KDM4C: variants seen among roughly 807,000 people sequenced by gnomAD.
KDM4C encodes lysine demethylase 4C.
KDM4C carries 81 observed loss-of-function variants against 129.3 expected under a neutral mutation model. The ratio of observed to expected loss-of-function variants is 0.63; its 90% CI spans 0.52 to 0.75. The LOEUF (loss-of-function observed/expected upper bound fraction) is 0.75, where lower values mean the gene tolerates loss of function less well. KDM4C is among the 30% of genes least tolerant of loss of function. The probability of loss-of-function intolerance (pLI) is 0.00; values close to 1 mark genes in which losing one functional copy is unlikely to be tolerated. For missense variants in KDM4C, 1,457 were observed against 1,304.0 expected (o/e 1.12, Z -1.81); for synonymous variants, 573 against 456.1 (o/e 1.26, Z -3.26).
intron 15 of KDM4C, among the ~76,000 whole-genome samples, chr9:7,031,130 G>GTTTGTTTGTTTGTTTA (rs376556912): frequency 5.6e-4 from 79 of 141,252 alleles, no homozygotes; most frequent in East Asian, 2.0e-3. Flanking sequence ...TATTTTACTT[G>GTTTGTTTGTTTGTTTA]TTTATTTATT....
chr9:6,738,610 ATTTAC>A (rs1296706040), intron 1 of KDM4C, among the ~76,000 whole-genome samples: 1 of 151,712 alleles, frequency 6.6e-6, no homozygotes, highest in Non-Finnish European at 1.5e-5. Flanking sequence ...TAATTTATTC[ATTTAC>A]TTATTTCAAG....
chr9:7,159,617 C>G (rs1843560355), intron 19 of KDM4C, among the ~76,000 whole-genome samples: 1 of 152,120 alleles, frequency 6.6e-6, no homozygotes, highest in Admixed American at 6.5e-5. Flanking sequence ...ATATGAAATT[C>G]TGGCTTGAAA....
intron 18 of KDM4C, among the ~76,000 whole-genome samples, chr9:7,117,664 C>T: frequency 7.3e-6 from 1 of 137,896 alleles, no homozygotes; most frequent in Non-Finnish European, 1.6e-5. Flanking sequence ...CACACACACA[C>T]ACACTGCTGT....
chr9:7,035,352 T>G (rs1311749303), intron 15 of KDM4C, among the ~76,000 whole-genome samples: 2 of 141,974 alleles, frequency 1.4e-5, no homozygotes, highest in Non-Finnish European at 3.1e-5. Flanking sequence ...TTTTTTCTGT[T>G]GAGATGTTTG....
intron 8 of KDM4C, chr9:6,925,264 A>G (rs984874893): frequency 2.0e-6 from 2 of 985,240 alleles, no homozygotes; most frequent in African/African-American, 3.5e-5. Context: ...ACAGCATTGT[A>G]GGAGGTAGTT....
At chr9:7,092,361 C>T (rs1022944880) in intron 17 of KDM4C, among the ~76,000 whole-genome samples, 4 of 152,080 alleles carry the variant, frequency 2.6e-5, no homozygotes, top group Non-Finnish European at 5.9e-5. Context: ...TTGAGTTAGC[C>T]TGAAAATCTG....
chr9:6,975,994 C>T (rs767608567), intron 8 of KDM4C, among the ~76,000 whole-genome samples: 7 of 152,134 alleles, frequency 4.6e-5, no homozygotes, highest in South Asian at 2.1e-4. Flanking sequence ...GCCGAGATTG[C>T]GCCACTGTAC....
At chr9:7,148,965 C>T (rs1358156565) in intron 19 of KDM4C, among the ~76,000 whole-genome samples, 1 of 152,224 alleles carries the variant, frequency 6.6e-6, no homozygotes, top group East Asian at 1.9e-4. Flanking sequence ...AGCCCAGCCC[C>T]AGGCTTCAGG....
rs1047008632 is a variant in KDM4C at position 6,835,619 on chromosome 9, A to C, written c.436-13888A>C. On this transcript the variant is annotated intron_variant, in intron 4 of 21. Coordinates refer to ENST00000381309, the MANE Select transcript of KDM4C (RefSeq NM_015061.6). The stretch of plus-strand genomic sequence containing the variant: ...TTGTGTTACACCCTTTCTTGACAAA[A>C]CCTGACTTGTGCAGAAAACAAGATG... The C allele has an allele frequency of 4.8e-6, 4 of 835,190 alleles. No individual in the cohort carries two copies. The African/African-American group carries it at 6.7e-5, about 14-fold the overall frequency. 51.7% of individuals were successfully genotyped at this position (835,190 alleles called of 1,614,324 possible). A position where few individuals can be genotyped will look rare whatever the true frequency, so the allele number is the denominator to read the frequency against.
At chr9:6,941,945 C>G (rs146876325) in intron 8 of KDM4C, 1 of 152,108 alleles carries the variant, frequency 6.6e-6, no homozygotes, top group African/African-American at 2.4e-5. Context: ...ACATTAATTG[C>G]CAGTGTTTGA....
At chr9:7,089,254 T>C (rs1393156346) in intron 17 of KDM4C, among the ~76,000 whole-genome samples, 2 of 152,192 alleles carry the variant, frequency 1.3e-5, no homozygotes, top group Non-Finnish European at 2.9e-5. Flanking sequence ...TATTTTATTT[T>C]TTTTGCAGTC....
intron 8 of KDM4C, among the ~76,000 whole-genome samples, chr9:6,977,285 A>G (rs929989554): frequency 6.6e-6 from 1 of 152,228 alleles, no homozygotes; most frequent in African/African-American, 2.4e-5. Flanking sequence ...GTAATTTTCT[A>G]TGAAAGACAG....
At chr9:6,982,151 T>C (rs1189851801) in intron 9 of KDM4C, 4 of 152,142 alleles carry the variant, frequency 2.6e-5, no homozygotes, top group African/African-American at 9.6e-5. Context: ...TCCACTTTTT[T>C]GATATTAACT....
At chr9:6,976,136 G>C (rs1406856595) in intron 8 of KDM4C, among the ~76,000 whole-genome samples, 2 of 152,190 alleles carry the variant, frequency 1.3e-5, no homozygotes, top group Non-Finnish European at 2.9e-5. Context: ...GTGATTATGA[G>C]AGTGTAGTCT....
chr9:7,070,046 C>G (rs181622309), intron 17 of KDM4C, among the ~76,000 whole-genome samples: 133 of 152,104 alleles, frequency 8.7e-4, no homozygotes, highest in African/African-American at 3.0e-3. Flanking sequence ...CAAAAGCAGG[C>G]AGAACAGGGG....
intron 8 of KDM4C, among the ~76,000 whole-genome samples, chr9:6,974,443 T>C (rs983604268): frequency 1.3e-5 from 2 of 152,234 alleles, no homozygotes; most frequent in African/African-American, 4.8e-5. Flanking sequence ...CACTGCAACC[T>C]ACGCCTCTTG....
intron 15 of KDM4C, among the ~76,000 whole-genome samples, chr9:7,041,359 A>G (rs1430315187): frequency 6.6e-6 from 1 of 152,046 alleles, no homozygotes; most frequent in African/African-American, 2.4e-5. Context: ...GGACTTCAGC[A>G]TCTCTGGATT....
At chr9:7,089,346 A>G (rs1001826748) in intron 17 of KDM4C, among the ~76,000 whole-genome samples, 4 of 152,210 alleles carry the variant, frequency 2.6e-5, no homozygotes, top group African/African-American at 4.8e-5. Context: ...CACAACTTTG[A>G]GGCATTTTCA....
intron 1 of KDM4C, among the ~76,000 whole-genome samples, chr9:6,725,016 T>G (rs549921479): frequency 1.4e-4 from 22 of 152,270 alleles, no homozygotes; most frequent in Non-Finnish European, 3.2e-4. Flanking sequence ...TTTTCCAGTT[T>G]CTAGAGGCTC....
Sources: gnomAD v4.1 joint callset for allele counts (sites outside exome capture counted in the v4.1 genomes callset) on GRCh38, gnomAD v4.1.1 for gene constraint, MANE v1.5 for transcripts, NCBI Gene and HGNC (gene_info 2026-07-23, HGNC 2026-07-21) for gene names.